The following SYNPR variants were observed in gnomAD, a reference collection of about 807,000 sequenced individuals.
SYNPR encodes synaptoporin.
A neutral mutation model predicts 32.9 loss-of-function variants in SYNPR; 23 were observed. The ratio of observed to expected loss-of-function variants is 0.70; its 90% CI spans 0.50 to 0.99. The LOEUF (loss-of-function observed/expected upper bound fraction) is 0.99, where lower values mean the gene tolerates loss of function less well. SYNPR is among the 50% of genes least tolerant of loss of function. The pLI, the probability that SYNPR is intolerant of heterozygous loss-of-function variation, is 0.00. For missense variants in SYNPR, 318 were observed against 349.3 expected (o/e 0.91, Z 0.71); for synonymous variants, 146 against 135.9 (o/e 1.07, Z -0.52).
At chr3:63,410,123 A>C (rs1026912548) in intron 2 of SYNPR, among the ~76,000 whole-genome samples, 3 of 152,216 alleles carry the variant, frequency 2.0e-5, no homozygotes, top group Admixed American at 6.5e-5. Flanking sequence ...TTAATATGGA[A>C]GTCACTCATT....
chr3:63,608,760 G>A (rs1700157937), intron 4 of SYNPR, among the ~76,000 whole-genome samples: 1 of 152,120 alleles, frequency 6.6e-6, no homozygotes, highest in African/African-American at 2.4e-5. Flanking sequence ...AATTATCTGT[G>A]AAATCTCAGA....
intron 2 of SYNPR, among the ~76,000 whole-genome samples, chr3:63,294,780 T>C (rs1030768305): frequency 6.6e-6 from 1 of 152,222 alleles, no homozygotes; most frequent in Non-Finnish European, 1.5e-5. Context: ...ATTTATATTA[T>C]TTATTAATGT....
At position 63,443,569 on chromosome 3, in the gene SYNPR, A is replaced by G. The variant is rs935648166; in HGVS notation, c.85-37263A>G. 3 of 1,339,600 alleles carry G rather than the reference A, an allele frequency of 2.2e-6. No homozygotes were observed. In the East Asian group the frequency reaches 7.5e-5, roughly 33 times the overall value. The allele number at this position is 1,339,600 out of a possible 1,614,324, so 83.0% of individuals were successfully genotyped here. Reference sequence around the variant, plus strand: ...ATTTGGATTGTACACTTTTCTTTCCAAGTATCAGTTTTTAAGTCTCTAGTA... The same window carrying G: ...ATTTGGATTGTACACTTTTCTTTCCGAGTATCAGTTTTTAAGTCTCTAGTA... On this transcript the variant is annotated intron_variant, in intron 2 of 5. Transcript: ENST00000478300.
chr3:63,436,332 CT>C (rs1385601429), intron 2 of SYNPR, among the ~76,000 whole-genome samples: 4 of 122,468 alleles, frequency 3.3e-5, no homozygotes, highest in Admixed American at 8.8e-5. Context: ...TCCCTTCCCC[CT>C]CCCCCCACCC....
At chr3:63,598,527 T>C (rs1017670664) in intron 4 of SYNPR, among the ~76,000 whole-genome samples, 4 of 152,214 alleles carry the variant, frequency 2.6e-5, no homozygotes, top group African/African-American at 4.8e-5. Flanking sequence ...CCAGGTTTCC[T>C]GTCAAAGTTC....
chr3:63,281,104 C>G (rs559027630), intron 2 of SYNPR, among the ~76,000 whole-genome samples: 2 of 152,242 alleles, frequency 1.3e-5, no homozygotes, highest in South Asian at 4.2e-4. Context: ...TCTGAGGTAT[C>G]TTTTTCTGTA....
intron 2 of SYNPR, among the ~76,000 whole-genome samples, chr3:63,349,391 C>T (rs1012528732): frequency 6.6e-5 from 10 of 152,220 alleles, no homozygotes; most frequent in Non-Finnish European, 1.0e-4. Flanking sequence ...CGAGCCACCG[C>T]GCCTGGCCAA....
chr3:63,576,892 G>A (rs1702992005), intron 4 of SYNPR, among the ~76,000 whole-genome samples: 1 of 152,024 alleles, frequency 6.6e-6, no homozygotes, highest in Non-Finnish European at 1.5e-5. Flanking sequence ...CAGGACAAAG[G>A]TGGACCTCAG....
chr3:63,548,650 G>A (rs1702453040), intron 3 of SYNPR, among the ~76,000 whole-genome samples: 1 of 152,124 alleles, frequency 6.6e-6, no homozygotes, highest in African/African-American at 2.4e-5. Flanking sequence ...CTGTCGACTG[G>A]TAAACAGAAT....
chr3:63,491,688 T>A (rs1442476202), intron 3 of SYNPR, among the ~76,000 whole-genome samples: 1 of 151,544 alleles, frequency 6.6e-6, no homozygotes, highest in East Asian at 1.9e-4. Flanking sequence ...GCCCGGCTAA[T>A]TTTTGTATTT....
intron 2 of SYNPR, among the ~76,000 whole-genome samples, chr3:63,292,817 T>G (rs2086753698): frequency 1.3e-5 from 2 of 152,244 alleles, no homozygotes; most frequent in Admixed American, 1.3e-4. Flanking sequence ...ACACATATGT[T>G]CTTTGTACTA....
chr3:63,343,774 C>T (rs543940757), intron 2 of SYNPR, among the ~76,000 whole-genome samples: 3 of 152,280 alleles, frequency 2.0e-5, no homozygotes, highest in Admixed American at 6.5e-5. Context: ...TTTGTTTTGT[C>T]AGAGGTTTGG....
chr3:63,468,789 A>G (rs1044201628), intron 2 of SYNPR, among the ~76,000 whole-genome samples: 1 of 152,190 alleles, frequency 6.6e-6, no homozygotes, highest in South Asian at 2.1e-4. Flanking sequence ...TGACAGAGGG[A>G]GATTCTGTCT....
intron 3 of SYNPR, among the ~76,000 whole-genome samples, chr3:63,489,123 T>C (rs1449828196): frequency 2.0e-5 from 3 of 152,076 alleles, no homozygotes; most frequent in Admixed American, 1.3e-4. Flanking sequence ...CGGTGAGGAA[T>C]GGGGACATGA....
At position 63,405,341 on chromosome 3, in the gene SYNPR, C is replaced by T. The variant is rs187445333; in HGVS notation, c.85-75491C>T. Among the ~76,000 whole-genome samples the T allele has an allele frequency of 1.4e-3, 211 of 152,294 alleles. 1 individual carries two copies. The highest frequency in any genetic ancestry group is 4.9e-3 in the African/African-American group (204 of 41,566). On this transcript the variant is annotated intron_variant, in intron 2 of 5. Transcript: ENST00000478300. ...ACACAACACAGGTTAAGGAAACCTT[C>T]TCCAAAGAAATGTTCTACAAACTGA...
chr3:63,239,781 GTA>G (rs1370132019), intron 1 of SYNPR, among the ~76,000 whole-genome samples: 1 of 150,302 alleles, frequency 6.7e-6, no homozygotes, highest in Non-Finnish European at 1.5e-5. Context: ...CCATTGTCAA[GTA>G]TGTCACACAC....
chr3:63,476,837 T>A (rs1169790028), intron 2 of SYNPR, among the ~76,000 whole-genome samples: 1 of 152,226 alleles, frequency 6.6e-6, no homozygotes, highest in African/African-American at 2.4e-5. Context: ...TTTTTGATTG[T>A]GTCTCCCATA....
At chr3:63,244,937 A>G (rs2086273375) in intron 1 of SYNPR, among the ~76,000 whole-genome samples, 1 of 152,122 alleles carries the variant, frequency 6.6e-6, no homozygotes, top group South Asian at 2.1e-4. Flanking sequence ...CAAAGAAATA[A>G]TCAAAATACA....
At chr3:63,608,299 C>T (rs542476290) in intron 4 of SYNPR, among the ~76,000 whole-genome samples, 19 of 152,096 alleles carry the variant, frequency 1.2e-4, no homozygotes, top group African/African-American at 4.1e-4. Context: ...CTTTCCCCTG[C>T]GAACAGCAGA....
Sources: allele counts gnomAD v4.1 joint callset (sites outside exome capture counted in the v4.1 genomes callset), GRCh38; gene constraint gnomAD v4.1.1; transcripts MANE v1.5; gene names NCBI Gene and HGNC (gene_info 2026-07-23, HGNC 2026-07-21).